Variants in PHACTR1 observed in about 807,000 individuals in gnomAD.
PHACTR1 encodes phosphatase and actin regulator 1.
Under a neutral mutation model 69.2 loss-of-function variants are expected in PHACTR1, and 16 were observed. That is an observed-to-expected ratio of 0.23 (90% confidence interval 0.16 to 0.35). The LOEUF (loss-of-function observed/expected upper bound fraction) is 0.35, where lower values mean the gene tolerates loss of function less well. Ranked by LOEUF, PHACTR1 falls within the 10% of genes least tolerant of loss-of-function variation. PHACTR1 has a pLI of 1.00. For missense variants in PHACTR1, 510 were observed against 734.7 expected, an observed-to-expected ratio of 0.69 and a Z score of 3.54; for synonymous variants, 312 against 284.5, an observed-to-expected ratio of 1.10 and a Z score of -0.97.
chr6:13,097,983 G>A (rs1006194483), intron 5 of PHACTR1, among the ~76,000 whole-genome samples: 1 of 152,110 alleles, frequency 6.6e-6, no homozygotes, highest in Non-Finnish European at 1.5e-5. Flanking sequence ...CATGTGTCCT[G>A]TTCTCCCACC....
chr6:12,936,375 G>T (rs1789450971), intron 4 of PHACTR1, among the ~76,000 whole-genome samples: 6 of 152,170 alleles, frequency 3.9e-5, no homozygotes, highest in Admixed American at 3.9e-4. Context: ...AAATTAGAAT[G>T]TAATTGCAAC....
At chr6:12,823,964 C>A (rs1776495355) in intron 4 of PHACTR1, among the ~76,000 whole-genome samples, 1 of 152,078 alleles carries the variant, frequency 6.6e-6, no homozygotes, top group Non-Finnish European at 1.5e-5. Flanking sequence ...TCAGAGGTCC[C>A]CAACCCCCGG....
chr6:12,958,489 C>T (rs1163841686), intron 4 of PHACTR1, among the ~76,000 whole-genome samples: 2 of 152,134 alleles, frequency 1.3e-5, no homozygotes, highest in African/African-American at 4.8e-5. Context: ...TAAACGGAAA[C>T]ATAAGGGATA....
At chr6:12,904,296 C>G (rs1785491680) in intron 4 of PHACTR1, among the ~76,000 whole-genome samples, 1 of 151,980 alleles carries the variant, frequency 6.6e-6, no homozygotes, top group Non-Finnish European at 1.5e-5. Flanking sequence ...GCCTGTAACC[C>G]CAGCAATATA....
intron 5 of PHACTR1, among the ~76,000 whole-genome samples, chr6:13,124,042 T>C (rs1452401910): frequency 1.3e-5 from 2 of 152,076 alleles, no homozygotes; most frequent in Non-Finnish European, 2.9e-5. Context: ...TCCAAGGAAA[T>C]AGAGTGCCCC....
At chr6:13,220,764 G>T (rs555109439) in intron 8 of PHACTR1, among the ~76,000 whole-genome samples, 4 of 152,322 alleles carry the variant, frequency 2.6e-5, no homozygotes, top group African/African-American at 4.8e-5. Flanking sequence ...AAGGGTCAGG[G>T]ATCCTAATTT....
In PHACTR1 at chr6:13,246,355, C is replaced by G. The variant is rs1379877998; in HGVS notation, c.1391+16162C>G. Among the ~76,000 whole-genome samples the G allele has an allele frequency of 6.6e-6, 1 of 151,944 alleles. No individual in the cohort carries two copies. The highest frequency in any genetic ancestry group is 2.4e-5 in the African/African-American group (1 of 41,404). On this transcript the variant is annotated intron_variant, in intron 10 of 14. Coordinates refer to ENST00000332995, the MANE Select transcript of PHACTR1 (RefSeq NM_030948.6). This position sits in a 1 kb window ranked among gnomAD's most constrained non-coding sequence, Gnocchi z 4.2. Reference sequence around the variant, plus strand: ...ACGGCCACCATGATCTTCCTTGATCCCACTTAGCCAAAAGAACACTGAAAT... The same window carrying G: ...ACGGCCACCATGATCTTCCTTGATCGCACTTAGCCAAAAGAACACTGAAAT...
At chr6:13,159,661 G>A (rs1053638026) in intron 5 of PHACTR1, among the ~76,000 whole-genome samples, 1 of 152,192 alleles carries the variant, frequency 6.6e-6, no homozygotes, top group East Asian at 1.9e-4. Context: ...GCCTACCTTG[G>A]CTGGGCACAG....
intron 8 of PHACTR1, among the ~76,000 whole-genome samples, chr6:13,208,920 A>T (rs1009416733): frequency 1.3e-5 from 2 of 152,158 alleles, no homozygotes; most frequent in Non-Finnish European, 2.9e-5. Flanking sequence ...TCGGCAGCAG[A>T]GCCAAGGCAG....
At chr6:12,784,515 GAC>G (rs952492421) in intron 4 of PHACTR1, among the ~76,000 whole-genome samples, 33 of 150,714 alleles carry the variant, frequency 2.2e-4, no homozygotes, top group East Asian at 7.9e-4. Context: ...TATGTATCTA[GAC>G]ACACATATAC....
chr6:12,724,487 G>A (rs915430134), intron 3 of PHACTR1, among the ~76,000 whole-genome samples: 35 of 152,166 alleles, frequency 2.3e-4, no homozygotes, highest in Non-Finnish European at 5.0e-4. Flanking sequence ...ATGAGGTGAA[G>A]TATCTTGAAA....
At chr6:13,284,533 AAAAAAAAAAAATAT>A (rs1781075681) in intron 13 of PHACTR1, among the ~76,000 whole-genome samples, 1 of 107,832 alleles carries the variant, frequency 9.3e-6, no homozygotes, top group Admixed American at 1.0e-4. Flanking sequence ...AAAAAAAAAA[AAAAAAAAAAAATAT>A]ATATATATAT....
At chr6:12,937,995 G>A (rs898377276) in intron 4 of PHACTR1, among the ~76,000 whole-genome samples, 1 of 152,152 alleles carries the variant, frequency 6.6e-6, no homozygotes, top group Non-Finnish European at 1.5e-5. Flanking sequence ...AGCTACTCGG[G>A]AGGCTGATGC....
chr6:12,873,094 C>G (rs1049963210), intron 4 of PHACTR1, among the ~76,000 whole-genome samples: 2 of 151,902 alleles, frequency 1.3e-5, no homozygotes, highest in Non-Finnish European at 2.9e-5. Flanking sequence ...CTCACTGCAG[C>G]GTCAACTCCT....
At chr6:12,759,122 C>CAAAAA (rs1229879368) in intron 4 of PHACTR1, among the ~76,000 whole-genome samples, 52 of 51,386 alleles carry the variant, frequency 1.0e-3, no homozygotes, top group East Asian at 1.2e-3. Context: ...GACTCCACCT[C>CAAAAA]AAAAAAAAAA....
intron 4 of PHACTR1, among the ~76,000 whole-genome samples, chr6:12,979,674 T>A (rs1795276404): frequency 6.6e-6 from 1 of 151,278 alleles, no homozygotes; most frequent in South Asian, 2.1e-4. Flanking sequence ...TATGTTTGTA[T>A]GCGGAGGACC....
At chr6:12,760,949 A>C (rs747787473) in intron 4 of PHACTR1, among the ~76,000 whole-genome samples, 1 of 152,128 alleles carries the variant, frequency 6.6e-6, no homozygotes. Context: ...AAACAAACAA[A>C]CAACAGAATC....
intron 6 of PHACTR1, among the ~76,000 whole-genome samples, chr6:13,170,935 A>G (rs547787861): frequency 6.6e-6 from 1 of 152,124 alleles, no homozygotes; most frequent in South Asian, 2.1e-4. Context: ...GAATCATTCC[A>G]TCCTCCCATG....
intron 4 of PHACTR1, among the ~76,000 whole-genome samples, chr6:12,978,155 T>G (rs1351956763): frequency 6.6e-6 from 1 of 152,174 alleles, no homozygotes; most frequent in Non-Finnish European, 1.5e-5. Context: ...AGCAGTGCCC[T>G]TGGCTAGGCC....
Sources: allele counts gnomAD v4.1 joint callset (sites outside exome capture counted in the v4.1 genomes callset), GRCh38; gene constraint gnomAD v4.1.1; non-coding constraint Gnocchi (gnomAD v3.1); transcripts MANE v1.5; gene names NCBI Gene and HGNC (gene_info 2026-07-23, HGNC 2026-07-21).